Variants in PDE4D observed in about 807,000 individuals in gnomAD.
PDE4D encodes the protein 3',5'-cyclic-AMP phosphodiesterase 4D.
Under a neutral mutation model 87.4 loss-of-function variants are expected in PDE4D, and 24 were observed. The observed-to-expected ratio is 0.27, with a 90% confidence interval of 0.20 to 0.39. The LOEUF (loss-of-function observed/expected upper bound fraction) is 0.39, where lower values mean the gene tolerates loss of function less well. Among genes scored for constraint, PDE4D ranks in the 10% least tolerant of loss-of-function variants. The pLI, the probability that PDE4D is intolerant of heterozygous loss-of-function variation, is 1.00. For synonymous variants in PDE4D, 384 were observed against 383.2 expected, an observed-to-expected ratio of 1.00 and a Z score of -0.02; for missense variants, 714 against 1,041.0, an observed-to-expected ratio of 0.69 and a Z score of 4.32.
At chr5:59,590,855 T>C (rs900049091) in intron 1 of PDE4D, among the ~76,000 whole-genome samples, 4 of 152,222 alleles carry the variant, frequency 2.6e-5, no homozygotes, top group African/African-American at 4.8e-5. Context: ...AACATTTTCA[T>C]TGAAAGATCG....
At chr5:59,542,069 G>C (rs575273977) in intron 1 of PDE4D, among the ~76,000 whole-genome samples, 21 of 152,070 alleles carry the variant, frequency 1.4e-4, no homozygotes, top group African/African-American at 4.8e-4. Flanking sequence ...TCTATGCCGG[G>C]CCCTCTTATG....
At chr5:59,250,753 A>C (rs1759773393) in intron 1 of PDE4D, among the ~76,000 whole-genome samples, 1 of 152,254 alleles carries the variant, frequency 6.6e-6, no homozygotes, top group African/African-American at 2.4e-5. Context: ...ACAAAGCTGG[A>C]GGCATCACCT....
rs542373128 is a variant in PDE4D at position 59,974,136 on chromosome 5, C to T, written c.272+14352G>A. 2.6e-4 allele frequency among the ~76,000 whole-genome samples: 40 copies of T among 152,278 alleles called. 1 individual carries two copies. The highest frequency in any genetic ancestry group is 8.9e-4 in the African/African-American group (37 of 41,564). The stretch of plus-strand genomic sequence containing the variant: ...ATGTTTTCTACAAATAGAATTTTTC[C>T]ACATTGAATTCAATTTTATTCTTTA... On this transcript the variant is annotated intron_variant, in intron 3 of 16. Coordinates refer to the PDE4D transcript ENST00000502484.
intron 5 of PDE4D, among the ~76,000 whole-genome samples, chr5:59,156,331 A>ATATGTG (rs1384479557): frequency 2.4e-5 from 3 of 122,758 alleles, no homozygotes; most frequent in African/African-American, 1.0e-4. Flanking sequence ...ATATATATAT[A>ATATGTG]TGTGTGTGTG....
intron 3 of PDE4D, among the ~76,000 whole-genome samples, chr5:59,945,634 C>A (rs1757652626): frequency 6.6e-6 from 1 of 152,212 alleles, no homozygotes; most frequent in Non-Finnish European, 1.5e-5. Flanking sequence ...TTGCTTTATT[C>A]TCCTTTCTAA....
chr5:59,136,243 A>G (rs1327232502), intron 5 of PDE4D, among the ~76,000 whole-genome samples: 1 of 152,190 alleles, frequency 6.6e-6, no homozygotes, highest in Non-Finnish European at 1.5e-5. Flanking sequence ...GATGGGGAAA[A>G]TATGTTTTTT....
At chr5:60,501,497 G>A (rs1583945949) in intron 1 of PDE4D, among the ~76,000 whole-genome samples, 2 of 151,048 alleles carry the variant, frequency 1.3e-5, no homozygotes, top group Non-Finnish European at 3.0e-5. Context: ...ATGATTTATA[G>A]TCCTTTGGGT....
chr5:59,576,542 G>GA (rs1823191374), intron 1 of PDE4D, among the ~76,000 whole-genome samples: 1 of 151,888 alleles, frequency 6.6e-6, no homozygotes, highest in Non-Finnish European at 1.5e-5. Flanking sequence ...TATTTATTAA[G>GA]AAAAAATTTA....
intron 1 of PDE4D, among the ~76,000 whole-genome samples, chr5:59,515,454 T>TA (rs1360194139): frequency 6.6e-6 from 1 of 152,136 alleles, no homozygotes; most frequent in Non-Finnish European, 1.5e-5. Flanking sequence ...TAAATCATTT[T>TA]AAAAAGTGGT....
chr5:60,500,810 G>A (rs2150245554), intron 1 of PDE4D, among the ~76,000 whole-genome samples: 1 of 152,266 alleles, frequency 6.6e-6, no homozygotes, highest in East Asian at 1.9e-4. Context: ...ATGTGCCAAA[G>A]ACATAGCAAG....
At chr5:60,329,541 C>G (rs1757128770) in intron 1 of PDE4D, among the ~76,000 whole-genome samples, 2 of 152,146 alleles carry the variant, frequency 1.3e-5, no homozygotes, top group Admixed American at 1.3e-4. Flanking sequence ...TACCTTATGT[C>G]AATTTCACCA....
intron 1 of PDE4D, among the ~76,000 whole-genome samples, chr5:59,713,933 A>G (rs778323116): frequency 5.9e-5 from 9 of 152,188 alleles, no homozygotes; most frequent in Non-Finnish European, 1.2e-4. Flanking sequence ...CAGCTTAGAA[A>G]AAGAGTTAGA....
At chr5:60,231,751 G>C (rs1745835662) in intron 1 of PDE4D, among the ~76,000 whole-genome samples, 1 of 151,912 alleles carries the variant, frequency 6.6e-6, no homozygotes, top group African/African-American at 2.4e-5. Flanking sequence ...TGACCTCTCA[G>C]GACAATGACC....
chr5:59,094,707 C>T (rs910309545), intron 5 of PDE4D, among the ~76,000 whole-genome samples: 3 of 152,076 alleles, frequency 2.0e-5, no homozygotes, highest in South Asian at 2.1e-4. Flanking sequence ...CAAAAAAATA[C>T]ATTTTTAACA....
intron 2 of PDE4D, among the ~76,000 whole-genome samples, chr5:60,022,023 T>G (rs1289370648): frequency 6.6e-6 from 1 of 152,220 alleles, no homozygotes; most frequent in Admixed American, 6.5e-5. Context: ...GAATATTGCA[T>G]GTTTTTGTGT....
intron 3 of PDE4D, among the ~76,000 whole-genome samples, chr5:59,942,277 C>G (rs2152799033): frequency 6.6e-6 from 1 of 152,276 alleles, no homozygotes; most frequent in Non-Finnish European, 1.5e-5. Context: ...TTAAAGGAAG[C>G]CCTCAAGATG....
chr5:59,311,360 G>A (rs1190226737), intron 1 of PDE4D, among the ~76,000 whole-genome samples: 1 of 151,844 alleles, frequency 6.6e-6, no homozygotes, highest in Non-Finnish European at 1.5e-5. Flanking sequence ...AATTAGCTGG[G>A]CTTGGTGGTA....
At chr5:59,605,746 C>T (rs1324049707) in intron 1 of PDE4D, among the ~76,000 whole-genome samples, 2 of 151,980 alleles carry the variant, frequency 1.3e-5, no homozygotes, top group African/African-American at 2.4e-5. Flanking sequence ...CAAAGCGTAC[C>T]TCTGGGTCAC....
intron 1 of PDE4D, among the ~76,000 whole-genome samples, chr5:60,280,887 G>A (rs1223554170): frequency 2.0e-5 from 3 of 152,120 alleles, no homozygotes; most frequent in Non-Finnish European, 2.9e-5. Context: ...AATCTATCTG[G>A]TGTAATTCTT....
Sources: allele counts gnomAD v4.1 joint callset (sites outside exome capture counted in the v4.1 genomes callset), GRCh38; gene constraint gnomAD v4.1.1; transcripts MANE v1.5; gene names NCBI Gene and HGNC (gene_info 2026-07-23, HGNC 2026-07-21).